RBFOX1: variants seen among roughly 807,000 people sequenced by gnomAD.
RBFOX1 encodes the protein RNA binding fox-1 homolog 1.
Under a neutral mutation model 57.7 loss-of-function variants are expected in RBFOX1, and 8 were observed. That is an observed-to-expected ratio of 0.14 (90% CI 0.08 to 0.25). The LOEUF (loss-of-function observed/expected upper bound fraction) is 0.25, where lower values mean the gene tolerates loss of function less well. Among genes scored for constraint, RBFOX1 ranks in the 10% least tolerant of loss-of-function variants. The pLI, the probability that RBFOX1 is intolerant of heterozygous loss-of-function variation, is 1.00. For missense variants in RBFOX1, 611 were observed against 548.5 expected (o/e 1.11, Z -1.14); for synonymous variants, 326 against 222.4 (o/e 1.47, Z -4.15).
chr16:5,260,958 G>A (rs1438706364), intron 1 of RBFOX1: 3 of 152,228 alleles, frequency 2.0e-5, no homozygotes, highest in Non-Finnish European at 4.4e-5. Context: ...CCTTCCCGGG[G>A]TGAAGGACAT....
intron 3 of RBFOX1, among the ~76,000 whole-genome samples, chr16:5,847,641 T>A (rs2056791626): frequency 1.3e-5 from 2 of 152,164 alleles, no homozygotes; most frequent in African/African-American, 2.4e-5. Flanking sequence ...TTCTGGAGAC[T>A]TTTAGTGAAG....
chr16:6,307,654 A>G (rs895816620), intron 1 of RBFOX1, among the ~76,000 whole-genome samples: 1 of 147,704 alleles, frequency 6.8e-6, no homozygotes, highest in Non-Finnish European at 1.5e-5. Flanking sequence ...TATGATTTAT[A>G]TCTTTAGATT....
intron 4 of RBFOX1, among the ~76,000 whole-genome samples, chr16:7,092,843 C>G (rs56089030): frequency 0.014 from 2,106 of 152,292 alleles, 45 homozygotes; most frequent in African/African-American, 0.049. Context: ...TTTACCAAAT[C>G]GAAGGCTGGG....
intron 2 of RBFOX1, among the ~76,000 whole-genome samples, chr16:6,462,209 C>G (rs71392477): frequency 6.6e-6 from 1 of 152,160 alleles, no homozygotes; most frequent in African/African-American, 2.4e-5. Context: ...GGCCTCCTCC[C>G]CATCTACCTT....
intron 4 of RBFOX1, among the ~76,000 whole-genome samples, chr16:7,314,922 T>C (rs1052195452): frequency 2.6e-5 from 4 of 152,182 alleles, no homozygotes; most frequent in African/African-American, 7.2e-5. Context: ...ATTTTCCGGA[T>C]TGGGAATTCT....
chr16:6,041,891 G>A (rs1029621033), intron 1 of RBFOX1, among the ~76,000 whole-genome samples: 2 of 152,178 alleles, frequency 1.3e-5, no homozygotes, highest in Admixed American at 1.3e-4. Flanking sequence ...CTATAGCTCA[G>A]GAACCCAGTG....
chr16:5,437,126 T>C (rs2067941909), intron 1 of RBFOX1, among the ~76,000 whole-genome samples: 1 of 152,118 alleles, frequency 6.6e-6, no homozygotes, highest in South Asian at 2.1e-4. Flanking sequence ...TTATAAATTG[T>C]AGTAAGAAAA....
At chr16:5,724,022 A>AG (rs1236284856) in intron 3 of RBFOX1, among the ~76,000 whole-genome samples, 1 of 114,836 alleles carries the variant, frequency 8.7e-6, no homozygotes, top group African/African-American at 5.4e-5. Context: ...CTATGTTAGC[A>AG]AACCATTTGT....
rs528351370 is a variant in RBFOX1 at position 6,484,009 on chromosome 16, G to C, written c.-64+166952G>C. The C allele has an allele frequency of 1.7e-5, 16 of 921,924 alleles. No individual in the cohort carries two copies. The East Asian group carries it at 1.6e-3, about 94-fold the overall frequency. The allele number at this position is 921,924 out of a possible 1,614,324, so 57.1% of individuals were successfully genotyped here. A position where few individuals can be genotyped will look rare whatever the true frequency, so the allele number is the denominator to read the frequency against. Reference sequence around the variant, plus strand: ...GGTGGGGGTGGTCTGGACACTTGGAGAGGGCTAGGGGGCGTTTAGAGGGAT... The same window carrying C: ...GGTGGGGGTGGTCTGGACACTTGGACAGGGCTAGGGGGCGTTTAGAGGGAT... On this transcript the variant is annotated intron_variant, in intron 2 of 15. Coordinates refer to ENST00000550418, the MANE Select transcript of RBFOX1 (RefSeq NM_018723.4).
intron 1 of RBFOX1, among the ~76,000 whole-genome samples, chr16:6,143,471 GC>G (rs1037795237): frequency 6.6e-6 from 1 of 152,156 alleles, no homozygotes; most frequent in African/African-American, 2.4e-5. Flanking sequence ...CAAAATGAAG[GC>G]TGTCCTTGTT....
intron 3 of RBFOX1, among the ~76,000 whole-genome samples, chr16:6,688,711 C>T (rs1230401543): frequency 6.6e-6 from 1 of 152,082 alleles, no homozygotes; most frequent in African/African-American, 2.4e-5. Flanking sequence ...CATAGGTATA[C>T]ACATGCCATG....
intron 1 of RBFOX1, among the ~76,000 whole-genome samples, chr16:5,433,786 C>T (rs989900018): frequency 6.6e-6 from 1 of 152,144 alleles, no homozygotes; most frequent in African/African-American, 2.4e-5. Flanking sequence ...CCTTCTTGTT[C>T]ACCGCTGCTT....
chr16:7,660,314 C>G (rs1318205137), intron 12 of RBFOX1, among the ~76,000 whole-genome samples: 12 of 152,178 alleles, frequency 7.9e-5, no homozygotes, highest in African/African-American at 2.7e-4. Context: ...ATACAAGTAC[C>G]TTTGCATGGC....
At chr16:7,384,772 A>T (rs902440352) in intron 4 of RBFOX1, among the ~76,000 whole-genome samples, 1 of 152,152 alleles carries the variant, frequency 6.6e-6, no homozygotes, top group South Asian at 2.1e-4. Flanking sequence ...TTGAATGCCA[A>T]CCCTTCTCAG....
intron 3 of RBFOX1, among the ~76,000 whole-genome samples, chr16:6,963,158 C>A (rs139672157): frequency 6.6e-6 from 1 of 152,120 alleles, no homozygotes; most frequent in East Asian, 1.9e-4. Flanking sequence ...CTGGTAGTTG[C>A]CACCCAAGCC....
intron 1 of RBFOX1, among the ~76,000 whole-genome samples, chr16:6,228,787 C>T (rs1016791057): frequency 1.3e-5 from 2 of 151,848 alleles, no homozygotes; most frequent in Non-Finnish European, 2.9e-5. Flanking sequence ...TGAAAATCAC[C>T]GAGTAGATTT....
intron 3 of RBFOX1, among the ~76,000 whole-genome samples, chr16:5,721,779 C>A (rs2051944886): frequency 6.6e-6 from 1 of 152,174 alleles, no homozygotes; most frequent in African/African-American, 2.4e-5. Context: ...TCCCTGGATT[C>A]TCTAACCTGT....
chr16:6,646,434 G>C (rs1446035188), intron 2 of RBFOX1, among the ~76,000 whole-genome samples: 1 of 152,046 alleles, frequency 6.6e-6, no homozygotes, highest in African/African-American at 2.4e-5. Flanking sequence ...GAAATGGCGA[G>C]AGCTCTGATT....
At chr16:7,291,791 A>G (rs2095781228) in intron 4 of RBFOX1, among the ~76,000 whole-genome samples, 1 of 151,546 alleles carries the variant, frequency 6.6e-6, no homozygotes, top group African/African-American at 2.4e-5. Flanking sequence ...GTATTCTGCA[A>G]AGAGTCTGAT....
Sources: gnomAD v4.1 joint callset for allele counts (sites outside exome capture counted in the v4.1 genomes callset) on GRCh38, gnomAD v4.1.1 for gene constraint, MANE v1.5 for transcripts, NCBI Gene and HGNC (gene_info 2026-07-23, HGNC 2026-07-21) for gene names.